Variants in ZDHHC13 observed in about 807,000 individuals in gnomAD.
The protein encoded by ZDHHC13 is zDHHC palmitoyltransferase 13.
ZDHHC13 carries 85 observed loss-of-function variants against 86.0 expected under a neutral mutation model. That is an observed-to-expected ratio of 0.99 (90% CI 0.83 to 1.18). The LOEUF (loss-of-function observed/expected upper bound fraction) is 1.18, where lower values mean the gene tolerates loss of function less well. ZDHHC13 is among the 50% of genes most tolerant of loss of function. The pLI is 0.00. For synonymous variants in ZDHHC13, 263 were observed against 246.4 expected, an observed-to-expected ratio of 1.07 and a Z score of -0.63; for missense variants, 711 against 730.2, an observed-to-expected ratio of 0.97 and a Z score of 0.30.
In ZDHHC13 at chr11:19,170,487, C is replaced by G; in HGVS notation, c.1551C>G (p.Ser517=). The G allele has an allele frequency of 6.5e-7, 1 of 1,534,220 alleles. No individual in the cohort carries two copies. Among genetic ancestry groups the G allele is most frequent in the African/African-American group, 1.4e-5 (1 of 71,254 alleles). The change falls in exon 15 of 17, where the codon TCC becomes TCG. Residue 517 remains serine, a synonymous_variant. Transcript: ENST00000446113. ...WTYLNQIVAC[S]PWVLYILMLA... ...ACCTCAATCAGATTGTGGCCTGTTC[C>G]CCTTGGGTTTTATATATCTTGATGC...
intron 1 of ZDHHC13, among the ~76,000 whole-genome samples, chr11:19,142,742 C>CCT (rs1565027864): frequency 6.9e-6 from 1 of 145,838 alleles, no homozygotes; most frequent in East Asian, 2.0e-4. Context: ...CTTTTTTTTT[C>CCT]TTTTTTTTTT....
chr11:19,126,071 C>T (rs937269960), intron 1 of ZDHHC13, among the ~76,000 whole-genome samples: 6 of 151,930 alleles, frequency 3.9e-5, no homozygotes, highest in African/African-American at 1.5e-4. Context: ...CAAAATAATC[C>T]CTTGAGGGAT....
chr11:19,147,800 T>G, intron 4 of ZDHHC13, 127 bp downstream of exon 4: 1 of 602,588 alleles, frequency 1.7e-6, no homozygotes, highest in Non-Finnish European at 2.6e-6. Flanking sequence ...TAAAAATAAA[T>G]TTCAGCTTTA....
In ZDHHC13 at chr11:19,157,368, C is replaced by G. The variant is rs143704322; in HGVS notation, c.1007+1439C>G. Among the ~76,000 whole-genome samples the G allele has an allele frequency of 4.6e-3, 699 of 152,328 alleles. 4 individuals carry two copies. Among genetic ancestry groups the G allele is most frequent in the Middle Eastern group, 0.014 (4 of 294 alleles). ...GCAGATTATGATTATGAGTATTCCT[C>G]TGTCTTTCTGTCGCTTGCCAGCATT... On this transcript the variant is annotated intron_variant, in intron 9 of 16. Coordinates refer to ENST00000446113, the MANE Select transcript of ZDHHC13 (RefSeq NM_019028.3).
At position 19,176,294 on chromosome 11, in the gene ZDHHC13, A is replaced by G. The variant is rs540776457; in HGVS notation, c.*334A>G. 25 of 165,074 alleles carry G rather than the reference A, an allele frequency of 1.5e-4. No individual in the cohort carries two copies. Among genetic ancestry groups the G allele is most frequent in the Admixed American group, 3.8e-4 (6 of 15,626 alleles). The allele number at this position is 165,074 out of a possible 1,614,324, so 10.2% of individuals were successfully genotyped here. On this transcript the variant is annotated 3_prime_UTR_variant, in exon 17 of 17. Transcript: ENST00000446113. ...ATATTGGCTGTTTCAAAATAGTACT[A>G]TTCTTTAAACTTGTAATTTTTGCTA...
At chr11:19,132,825 T>C (rs768934609) in intron 1 of ZDHHC13, among the ~76,000 whole-genome samples, 1 of 152,186 alleles carries the variant, frequency 6.6e-6, no homozygotes, top group Non-Finnish European at 1.5e-5. Context: ...AAAGTCTGAG[T>C]ACAGGTTACT....
In ZDHHC13 at chr11:19,165,153, A is replaced by T; in HGVS notation, c.1390+8A>T. ...GGACTGGACGGTGCATAGGTGAGAG[A>T]TTTAATTTTTCAATTACTACTGTGA... On this transcript the variant is annotated splice_region_variant and intron_variant, in intron 13 of 16. Transcript: ENST00000446113. 4 of 1,607,094 alleles carry T rather than the reference A, an allele frequency of 2.5e-6. No individual in the cohort carries two copies. Among genetic ancestry groups the T allele is most frequent in the Non-Finnish European group, 3.4e-6 (4 of 1,176,588 alleles).
chr11:19,150,449 G>A (rs2133424709), intron 5 of ZDHHC13, among the ~76,000 whole-genome samples: 1 of 151,774 alleles, frequency 6.6e-6, no homozygotes, highest in African/African-American at 2.4e-5. Context: ...TGTATTTGAT[G>A]GTAGCTATCA....
chr11:19,170,206 C>T, intron 14 of ZDHHC13: 1 of 1,395,378 alleles, frequency 7.2e-7, no homozygotes. Context: ...ACAGTGTTAT[C>T]ATAGCCTCAA....
At chr11:19,149,828 A>G (rs1196365652) in intron 5 of ZDHHC13, among the ~76,000 whole-genome samples, 1 of 152,222 alleles carries the variant, frequency 6.6e-6, no homozygotes. Context: ...TTCACTGTCA[A>G]TTATACTTGC....
chr11:19,154,839 G>A (rs561982997), intron 8 of ZDHHC13, among the ~76,000 whole-genome samples: 2 of 152,126 alleles, frequency 1.3e-5, no homozygotes, highest in South Asian at 4.2e-4. Context: ...TTCCCCTTAA[G>A]TGTTTGTTTT....
chr11:19,124,319 T>C (rs1428714781), intron 1 of ZDHHC13, among the ~76,000 whole-genome samples: 1 of 152,114 alleles, frequency 6.6e-6, no homozygotes, highest in East Asian at 1.9e-4. Flanking sequence ...TGTATGTATA[T>C]AGCACAATAT....
At chr11:19,137,821 T>C (rs1284136845) in intron 1 of ZDHHC13, among the ~76,000 whole-genome samples, 1 of 152,210 alleles carries the variant, frequency 6.6e-6, no homozygotes, top group Non-Finnish European at 1.5e-5. Flanking sequence ...ATTGGGTACA[T>C]AACAAAATGA....
intron 1 of ZDHHC13, among the ~76,000 whole-genome samples, chr11:19,136,240 A>G (rs1458556280): frequency 6.6e-6 from 1 of 152,222 alleles, no homozygotes; most frequent in Non-Finnish European, 1.5e-5. Flanking sequence ...GAGCTGATGG[A>G]GCTGAAAACC....
In ZDHHC13 at chr11:19,146,310, TG is replaced by T. The variant is rs1356304429; in HGVS notation, c.296+10del. 2 of 1,602,972 alleles carry T rather than the reference TG, an allele frequency of 1.2e-6. No homozygotes were observed. The highest frequency in any genetic ancestry group is 1.7e-6 in the Non-Finnish European group (2 of 1,176,936). On this transcript the variant is annotated splice_region_variant and intron_variant, in intron 3 of 16. Transcript: ENST00000446113. ...ACAGACTGGATCTTGTAAAGTAAGA[TG>T]GGATATGTGTGTTAATTGTGTATTT... is the stretch of plus-strand genomic sequence containing the variant.
chr11:19,126,176 C>T lies in ZDHHC13; in HGVS notation c.27+8900C>T, dbSNP rs571240627. Among the ~76,000 whole-genome samples the T allele has an allele frequency of 1.1e-4, 17 of 152,022 alleles. No individual in the cohort carries two copies. The South Asian group carries it at 3.5e-3, about 32-fold the overall frequency. On this transcript the variant is annotated intron_variant, in intron 1 of 16. Transcript: ENST00000446113. ...GATACATGTGCAGGTTTGTTATATA[C>T]ACAAACTTATGTCATGGGGGTTTGT...
intron 1 of ZDHHC13, among the ~76,000 whole-genome samples, chr11:19,122,003 C>G (rs78855005): frequency 0.022 from 3,287 of 152,214 alleles, 99 homozygotes; most frequent in African/African-American, 0.068. Context: ...TCTTCCCTAT[C>G]TTTTGAGACT....
Position 19,126,067 on chromosome 11 carries a change from A to C in ZDHHC13, c.27+8791A>C, listed in dbSNP as rs7950695. ...TTTAAAAACAGTGCCCCTTCAAAAT[A>C]ATCCCTTGAGGGATTATGGACTCAT... On this transcript the variant is annotated intron_variant, in intron 1 of 16. Transcript: ENST00000446113. Among the ~76,000 whole-genome samples the C allele has an allele frequency of 7.5e-3, 1,149 of 152,264 alleles. 18 individuals are homozygous for C. The highest frequency in any genetic ancestry group is 0.026 in the African/African-American group (1,093 of 41,536).
At chr11:19,159,484 T>C (rs1290010863) in intron 10 of ZDHHC13, among the ~76,000 whole-genome samples, 4 of 152,282 alleles carry the variant, frequency 2.6e-5, no homozygotes, top group African/African-American at 9.6e-5. Context: ...TCTAAGGCAA[T>C]GATTCTCAAT....
Sources: allele counts gnomAD v4.1 joint callset (sites outside exome capture counted in the v4.1 genomes callset), GRCh38; gene constraint gnomAD v4.1.1; transcripts MANE v1.5; gene names NCBI Gene and HGNC (gene_info 2026-07-23, HGNC 2026-07-21).